TAFA5: variants seen among roughly 807,000 people sequenced by gnomAD.
TAFA5 encodes TAFA chemokine like family member 5.
TAFA5 carries 6 observed loss-of-function variants against 15.3 expected under a neutral mutation model. That is an observed-to-expected ratio of 0.39 (90% CI 0.21 to 0.77). TAFA5 has a LOEUF of 0.77. Ranked by LOEUF, TAFA5 falls within the 30% of genes least tolerant of loss-of-function variation. TAFA5 has a pLI of 0.41. For synonymous variants in TAFA5, 103 were observed against 80.7 expected, an observed-to-expected ratio of 1.28 and a Z score of -1.48; for missense variants, 161 against 193.1, an observed-to-expected ratio of 0.83 and a Z score of 0.98.
chr22:48,533,597 C>T (rs978978547), intron 1 of TAFA5, among the ~76,000 whole-genome samples: 2 of 152,178 alleles, frequency 1.3e-5, no homozygotes, highest in African/African-American at 4.8e-5. Context: ...ACACCCCAAG[C>T]AGTGAGGCCC....
At chr22:48,699,181 C>T (rs951918705) in intron 2 of TAFA5, among the ~76,000 whole-genome samples, 1 of 152,098 alleles carries the variant, frequency 6.6e-6, no homozygotes, top group African/African-American at 2.4e-5. Flanking sequence ...GATCGACTAG[C>T]CTGGGCCTCC....
At chr22:48,725,560 C>T (rs187768538) in intron 3 of TAFA5, among the ~76,000 whole-genome samples, 4 of 152,174 alleles carry the variant, frequency 2.6e-5, no homozygotes, top group Admixed American at 2.0e-4. Context: ...CGAAGGCAGA[C>T]ATCCAAGGGT....
At chr22:48,555,412 G>C (rs1923000599) in intron 1 of TAFA5, among the ~76,000 whole-genome samples, 1 of 152,246 alleles carries the variant, frequency 6.6e-6, no homozygotes, top group Non-Finnish European at 1.5e-5. Context: ...GGATTTCCGG[G>C]GAGGGCGGCT....
intron 1 of TAFA5, among the ~76,000 whole-genome samples, chr22:48,634,141 CTCATTTAT>C (rs1395657823): frequency 1.1e-4 from 16 of 150,216 alleles, no homozygotes; most frequent in African/African-American, 3.2e-4. Flanking sequence ...CACTCACTCA[CTCATTTAT>C]TCACTCACTT....
intron 1 of TAFA5, among the ~76,000 whole-genome samples, chr22:48,618,245 A>G (rs115010360): frequency 0.015 from 2,328 of 152,308 alleles, 67 homozygotes; most frequent in African/African-American, 0.053. Flanking sequence ...CCACAGGCTT[A>G]GCAGCGGCAC....
chr22:48,668,766 C>A (rs1927707148), intron 2 of TAFA5, among the ~76,000 whole-genome samples: 1 of 152,202 alleles, frequency 6.6e-6, no homozygotes, highest in African/African-American at 2.4e-5. Context: ...AGCTGTAGTC[C>A]CCCAGCACTC....
intron 3 of TAFA5, among the ~76,000 whole-genome samples, chr22:48,733,238 T>A (rs1027272565): frequency 2.6e-5 from 4 of 152,216 alleles, no homozygotes; most frequent in African/African-American, 9.6e-5. Flanking sequence ...ACAGTCTTAC[T>A]CATTACAAAA....
At chr22:48,537,496 C>T in intron 1 of TAFA5, among the ~76,000 whole-genome samples, 1 of 152,268 alleles carries the variant, frequency 6.6e-6, no homozygotes, top group African/African-American at 2.4e-5. Context: ...GGCCCTGCCA[C>T]TTACTGACTC....
At chr22:48,684,403 G>A (rs1257719057) in intron 2 of TAFA5, among the ~76,000 whole-genome samples, 2 of 152,066 alleles carry the variant, frequency 1.3e-5, no homozygotes, top group Non-Finnish European at 2.9e-5. Flanking sequence ...GCGATGGAGT[G>A]ACTCAGAACT....
chr22:48,645,548 C>G (rs1926830620), intron 1 of TAFA5, among the ~76,000 whole-genome samples: 2 of 152,076 alleles, frequency 1.3e-5, no homozygotes, highest in South Asian at 4.1e-4. Flanking sequence ...TGTCCCTTCT[C>G]TGTACCACAG....
At chr22:48,529,765 G>A (rs1461381527) in intron 1 of TAFA5, among the ~76,000 whole-genome samples, 1 of 152,040 alleles carries the variant, frequency 6.6e-6, no homozygotes, top group Non-Finnish European at 1.5e-5. Context: ...AGGATGATGG[G>A]TTGGGTGTGT....
At chr22:48,585,252 T>C (rs893118309) in intron 1 of TAFA5, among the ~76,000 whole-genome samples, 4 of 146,884 alleles carry the variant, frequency 2.7e-5, no homozygotes, top group African/African-American at 7.6e-5. Context: ...ACAACATACA[T>C]ACACAGATAA....
intron 2 of TAFA5, among the ~76,000 whole-genome samples, chr22:48,653,464 G>A (rs1272256695): frequency 2.6e-5 from 4 of 152,242 alleles, no homozygotes. Context: ...GCCCTGGCCA[G>A]GGCCACTGTG....
At chr22:48,579,135 CCT>C (rs71818723) in intron 1 of TAFA5, among the ~76,000 whole-genome samples, 72,804 of 152,014 alleles carry the variant, frequency 0.48, 18,399 homozygotes, top group Non-Finnish European at 0.55. Context: ...TCCGTCCCCC[CCT>C]GGCCACTCTG....
At chr22:48,543,038 C>G (rs1922518882) in intron 1 of TAFA5, among the ~76,000 whole-genome samples, 1 of 151,772 alleles carries the variant, frequency 6.6e-6, no homozygotes, top group African/African-American at 2.4e-5. Context: ...CATAGTGGGA[C>G]CCCGATCTGG....
chr22:48,512,142 G>A (rs1195228661), intron 1 of TAFA5, among the ~76,000 whole-genome samples: 3 of 152,192 alleles, frequency 2.0e-5, no homozygotes, highest in African/African-American at 4.8e-5. Context: ...AGCCCCTGTG[G>A]TGGACCAGGC....
chr22:48,713,458 CTT>C (rs975121510), intron 3 of TAFA5, among the ~76,000 whole-genome samples: 2 of 152,248 alleles, frequency 1.3e-5, no homozygotes, highest in African/African-American at 4.8e-5. Context: ...AATGCTGTCT[CTT>C]CTCTCGTCTT....
intron 3 of TAFA5, among the ~76,000 whole-genome samples, chr22:48,741,602 T>C (rs1930182357): frequency 6.6e-6 from 1 of 152,074 alleles, no homozygotes; most frequent in Non-Finnish European, 1.5e-5. Context: ...ATCCTTGGGG[T>C]CCAGGGTCCT....
chr22:48,647,538 C>G (rs1450923978), intron 2 of TAFA5, among the ~76,000 whole-genome samples: 3 of 152,144 alleles, frequency 2.0e-5, no homozygotes, highest in Non-Finnish European at 4.4e-5. Flanking sequence ...CTGGGAACCC[C>G]ACAGCCGGGA....
Sources: gnomAD v4.1 joint callset for allele counts (sites outside exome capture counted in the v4.1 genomes callset) on GRCh38, gnomAD v4.1.1 for gene constraint, MANE v1.5 for transcripts, NCBI Gene and HGNC (gene_info 2026-07-23, HGNC 2026-07-21) for gene names.